The following NEGR1 variants were observed in gnomAD, a reference collection of about 807,000 sequenced individuals.
NEGR1 encodes the protein neuronal growth regulator 1, also known as IgLON family member 4.
A neutral mutation model predicts 40.9 loss-of-function variants in NEGR1; 10 were observed. The observed-to-expected ratio is 0.24, with a 90% CI of 0.15 to 0.42. The LOEUF is 0.42. Among genes scored for constraint, NEGR1 ranks in the 10% least tolerant of loss-of-function variants. NEGR1 has a pLI of 1.00. For synonymous variants in NEGR1, 185 were observed against 166.8 expected (o/e 1.11, Z -0.84); for missense variants, 352 against 438.9 (o/e 0.80, Z 1.77).
chr1:71,531,827 C>G (rs1647365181), intron 6 of NEGR1, among the ~76,000 whole-genome samples: 1 of 151,340 alleles, frequency 6.6e-6, no homozygotes, highest in Non-Finnish European at 1.5e-5. Flanking sequence ...TAGACTTGCT[C>G]AAACATGTTT....
chr1:71,546,351 T>A (rs1482250017), intron 6 of NEGR1, among the ~76,000 whole-genome samples: 2 of 151,724 alleles, frequency 1.3e-5, no homozygotes, highest in Non-Finnish European at 3.0e-5. Context: ...ATGTGCCAAG[T>A]ATTATACAGT....
At chr1:72,091,097 G>A (rs181552728) in intron 1 of NEGR1, among the ~76,000 whole-genome samples, 3 of 152,094 alleles carry the variant, frequency 2.0e-5, no homozygotes, top group South Asian at 4.2e-4. Context: ...AGATGGGTTC[G>A]GTCAGAGTTT....
At chr1:71,841,655 T>C (rs1322731280) in intron 2 of NEGR1, among the ~76,000 whole-genome samples, 1 of 152,182 alleles carries the variant, frequency 6.6e-6, no homozygotes, top group Admixed American at 6.5e-5. Flanking sequence ...TTCCAGTTCC[T>C]CATCTTCAGA....
rs35692576 is a variant in NEGR1 at position 71,568,829 on chromosome 1, CGTGTGTGTGT to C, written c.940+23978_940+23987del. ...GTGTGTGTATGTGTATATATGTATA[CGTGTGTGTGT>C]GTGTGTGTGTGTGTGTGTGTGTGTG... On this transcript the variant is annotated intron_variant, in intron 6 of 6. Coordinates refer to ENST00000357731, the MANE Select transcript of NEGR1 (RefSeq NM_173808.3). 3.4e-4 allele frequency among the ~76,000 whole-genome samples: 50 copies of C among 147,586 alleles called. No homozygotes were observed. The East Asian group carries it at 9.0e-3, about 27-fold the overall frequency.
At chr1:71,485,297 T>C (rs1414778630) in intron 6 of NEGR1, among the ~76,000 whole-genome samples, 1 of 151,584 alleles carries the variant, frequency 6.6e-6, no homozygotes, top group Non-Finnish European at 1.5e-5. Context: ...TTAGAAAAGC[T>C]TTAGATTTGC....
At chr1:72,208,356 T>C (rs1406928803) in intron 1 of NEGR1, among the ~76,000 whole-genome samples, 3 of 151,706 alleles carry the variant, frequency 2.0e-5, no homozygotes, top group African/African-American at 7.2e-5. Flanking sequence ...ATTATGAAAA[T>C]ATTCTGTTAT....
intron 2 of NEGR1, among the ~76,000 whole-genome samples, chr1:71,916,704 C>T (rs1177584093): frequency 6.6e-6 from 1 of 151,938 alleles, no homozygotes; most frequent in Admixed American, 6.6e-5. Context: ...TGAAGTGAGC[C>T]GAGATTGCAC....
At chr1:72,138,022 C>T (rs1173785148) in intron 1 of NEGR1, among the ~76,000 whole-genome samples, 1 of 151,744 alleles carries the variant, frequency 6.6e-6, no homozygotes, top group Admixed American at 6.6e-5. Flanking sequence ...AAAGAATTCA[C>T]CACTGGCAGA....
intron 6 of NEGR1, among the ~76,000 whole-genome samples, chr1:71,475,437 C>A (rs1053456230): frequency 2.6e-5 from 4 of 151,946 alleles, no homozygotes; most frequent in Non-Finnish European, 4.4e-5. Flanking sequence ...TTATGTTAAT[C>A]TGAGATTTTT....
At chr1:71,687,431 G>T (rs1005325948) in intron 4 of NEGR1, among the ~76,000 whole-genome samples, 7 of 152,128 alleles carry the variant, frequency 4.6e-5, no homozygotes. Context: ...TTATTTGTTT[G>T]TTTTTTGCAC....
intron 1 of NEGR1, among the ~76,000 whole-genome samples, chr1:71,953,683 A>G (rs1646092992): frequency 6.6e-6 from 1 of 151,960 alleles, no homozygotes; most frequent in Non-Finnish European, 1.5e-5. Flanking sequence ...TCATATTTTA[A>G]TAAATTGTCC....
At chr1:72,087,651 C>T (rs1648279559) in intron 1 of NEGR1, among the ~76,000 whole-genome samples, 1 of 151,182 alleles carries the variant, frequency 6.6e-6, no homozygotes, top group African/African-American at 2.4e-5. Flanking sequence ...AGACAAGATC[C>T]CCCTGTGTTG....
intron 4 of NEGR1, among the ~76,000 whole-genome samples, chr1:71,687,606 A>G (rs1055777407): frequency 6.6e-6 from 1 of 152,156 alleles, no homozygotes; most frequent in Non-Finnish European, 1.5e-5. Context: ...TGTTTTCTCT[A>G]TTCACTGGGA....
chr1:71,708,417 G>T (rs1424812187), intron 3 of NEGR1, among the ~76,000 whole-genome samples: 1 of 151,832 alleles, frequency 6.6e-6, no homozygotes, highest in Non-Finnish European at 1.5e-5. Flanking sequence ...TCAAGCAGAA[G>T]AATGAATTAG....
chr1:72,006,766 G>C (rs919827722), intron 1 of NEGR1, among the ~76,000 whole-genome samples: 5 of 152,024 alleles, frequency 3.3e-5, no homozygotes, highest in Admixed American at 2.6e-4. Flanking sequence ...GGAAAAACTG[G>C]GGGGGGCGGG....
chr1:71,582,530 T>G (rs1649173468), intron 6 of NEGR1, among the ~76,000 whole-genome samples: 1 of 152,204 alleles, frequency 6.6e-6, no homozygotes, highest in South Asian at 2.1e-4. Flanking sequence ...TCATTAATTT[T>G]CATTTCCTCT....
intron 6 of NEGR1, among the ~76,000 whole-genome samples, chr1:71,467,639 C>T (rs868381347): frequency 1.3e-5 from 2 of 152,138 alleles, no homozygotes; most frequent in African/African-American, 2.4e-5. Flanking sequence ...GCAGCATAGA[C>T]ATTAGCTGAA....
intron 1 of NEGR1, among the ~76,000 whole-genome samples, chr1:72,232,227 C>A (rs959520688): frequency 6.6e-6 from 1 of 151,888 alleles, no homozygotes; most frequent in African/African-American, 2.4e-5. Context: ...CGTGGTGGTG[C>A]GTGCCTGTAA....
At chr1:71,620,191 T>G (rs922150851) in intron 4 of NEGR1, among the ~76,000 whole-genome samples, 1 of 152,032 alleles carries the variant, frequency 6.6e-6, no homozygotes, top group Non-Finnish European at 1.5e-5. Flanking sequence ...TGTTTCATGT[T>G]AAATACTGCA....
Sources: gnomAD v4.1 joint callset for allele counts (sites outside exome capture counted in the v4.1 genomes callset) on GRCh38, gnomAD v4.1.1 for gene constraint, MANE v1.5 for transcripts, NCBI Gene and HGNC (gene_info 2026-07-23, HGNC 2026-07-21) for gene names.